NAPB: variants seen among roughly 807,000 people sequenced by gnomAD.
NAPB encodes the protein NSF attachment protein beta.
NAPB carries 26 observed loss-of-function variants against 44.7 expected under a neutral mutation model. The observed-to-expected ratio is 0.58, with a 90% CI of 0.43 to 0.81. The LOEUF (loss-of-function observed/expected upper bound fraction) is 0.81. NAPB is among the 30% of genes least tolerant of loss of function. The probability of loss-of-function intolerance (pLI) is 0.00; values close to 1 mark genes in which losing one functional copy is unlikely to be tolerated. For missense variants in NAPB, 315 were observed against 356.4 expected (o/e 0.88, Z 0.94); for synonymous variants, 120 against 116.8 (o/e 1.03, Z -0.18).
chr20:23,382,414 A>G (rs1216274913), intron 7 of NAPB, among the ~76,000 whole-genome samples: 1 of 152,220 alleles, frequency 6.6e-6, no homozygotes, highest in Non-Finnish European at 1.5e-5. Context: ...GACTTGTAAT[A>G]CCAAAAACAC....
At chr20:23,389,628 CA>C (rs1983803670) in intron 7 of NAPB, among the ~76,000 whole-genome samples, 1 of 152,144 alleles carries the variant, frequency 6.6e-6, no homozygotes, top group South Asian at 2.1e-4. Flanking sequence ...AGATGGCAGT[CA>C]CAAAAGGCCA....
intron 1 of NAPB, among the ~76,000 whole-genome samples, chr20:23,417,601 C>T (rs1986097485): frequency 6.6e-6 from 1 of 152,074 alleles, no homozygotes; most frequent in Non-Finnish European, 1.5e-5. Context: ...ATAGCTCATC[C>T]CTGGCAACAA....
At chr20:23,387,886 T>G (rs1244459818) in intron 7 of NAPB, among the ~76,000 whole-genome samples, 1 of 152,210 alleles carries the variant, frequency 6.6e-6, no homozygotes, top group Non-Finnish European at 1.5e-5. Context: ...ATTCTGAGTG[T>G]GTCTGTGGGG....
chr20:23,380,495 T>G (rs1195224546), intron 8 of NAPB, among the ~76,000 whole-genome samples: 1 of 151,618 alleles, frequency 6.6e-6, no homozygotes, highest in East Asian at 2.0e-4. Context: ...ATCCTACTCT[T>G]ATTGTCTCCT....
intron 1 of NAPB, among the ~76,000 whole-genome samples, chr20:23,407,595 C>A (rs1158262496): frequency 6.6e-6 from 1 of 152,088 alleles, no homozygotes; most frequent in East Asian, 1.9e-4. Context: ...AAGGCAGACT[C>A]TCTTCTTCTT....
At chr20:23,418,489 T>C (rs1199957509) in intron 1 of NAPB, among the ~76,000 whole-genome samples, 1 of 152,198 alleles carries the variant, frequency 6.6e-6, no homozygotes, top group African/African-American at 2.4e-5. Context: ...CTTCAGTAAT[T>C]ATACAATATT....
In NAPB at chr20:23,377,432, G is replaced by A; in HGVS notation, c.841C>T (p.Leu281Phe). The change falls in exon 11 of 11, where the codon CTT becomes TTT. Residue 281 changes from leucine (L) to phenylalanine (F), a missense_variant. By Grantham distance (22) the Leu-to-Phe change is conservative. Coordinates refer to ENST00000377026, the MANE Select transcript of NAPB (RefSeq NM_022080.3). ...CCTTGGATGGACTTTTTGATGCGAA[G>A]CAACATGGTGGTCAGCCACTGATCC... The part of the protein sequence containing the change: ...RLDQWLTTML[L>F]RIKKSIQGDG... The A allele has an allele frequency of 3.7e-6, 6 of 1,606,640 alleles. No homozygotes were observed. The highest frequency in any genetic ancestry group is 5.1e-6 in the Non-Finnish European group (6 of 1,175,074).
At chr20:23,407,280 C>G (rs1985322019) in intron 1 of NAPB, among the ~76,000 whole-genome samples, 1 of 152,152 alleles carries the variant, frequency 6.6e-6, no homozygotes, top group Non-Finnish European at 1.5e-5. Context: ...ATTTTATGGA[C>G]AAGTATTCAG....
At chr20:23,396,062 C>T (rs182775654) in intron 3 of NAPB, among the ~76,000 whole-genome samples, 14 of 152,300 alleles carry the variant, frequency 9.2e-5, no homozygotes, top group Admixed American at 8.5e-4. Context: ...CGCTCAAATC[C>T]GTTGTTAGTA....
intron 1 of NAPB, among the ~76,000 whole-genome samples, chr20:23,406,573 T>C (rs1267266093): frequency 6.6e-6 from 1 of 152,130 alleles, no homozygotes; most frequent in African/African-American, 2.4e-5. Context: ...AAATGAAGTG[T>C]CAGAATAAGC....
intron 2 of NAPB, among the ~76,000 whole-genome samples, chr20:23,398,033 TG>T (rs1054786177): frequency 2.0e-5 from 3 of 152,152 alleles, no homozygotes; most frequent in Non-Finnish European, 4.4e-5. Flanking sequence ...AAGAAAGGGC[TG>T]GAAGTGGAGG....
intron 1 of NAPB, among the ~76,000 whole-genome samples, chr20:23,408,314 G>A (rs1985402395): frequency 6.6e-6 from 1 of 152,172 alleles, no homozygotes; most frequent in Admixed American, 6.5e-5. Flanking sequence ...GATGCTCTGG[G>A]GAAGAGGAAG....
chr20:23,418,448 C>T (rs908695057), intron 1 of NAPB, among the ~76,000 whole-genome samples: 1 of 152,154 alleles, frequency 6.6e-6, no homozygotes, highest in African/African-American at 2.4e-5. Context: ...AATTGTCCTA[C>T]TGACACAGGA....
intron 2 of NAPB, among the ~76,000 whole-genome samples, chr20:23,402,064 T>C (rs924219680): frequency 2.6e-5 from 4 of 152,214 alleles, no homozygotes; most frequent in Admixed American, 6.5e-5. Context: ...TTTTGAAAAA[T>C]AGCATATCTA....
At chr20:23,404,260 A>T (rs1315138834) in intron 1 of NAPB, among the ~76,000 whole-genome samples, 1 of 152,244 alleles carries the variant, frequency 6.6e-6, no homozygotes, top group Non-Finnish European at 1.5e-5. Context: ...GACTCTGTAC[A>T]GTATACATAA....
intron 1 of NAPB, among the ~76,000 whole-genome samples, chr20:23,419,514 C>A (rs1232262438): frequency 6.6e-6 from 1 of 152,184 alleles, no homozygotes; most frequent in African/African-American, 2.4e-5. Context: ...TTTTCCTCTG[C>A]CAGTTACAGA....
intron 8 of NAPB, 110 bp downstream of exon 8, chr20:23,381,103 C>A: frequency 1.3e-6 from 1 of 742,558 alleles, no homozygotes; most frequent in Non-Finnish European, 2.4e-6. Context: ...TTTAATGTAC[C>A]CGTTTATTCT....
Position 23,390,225 on chromosome 20 carries a change from CTTTG to C in NAPB, c.456_459del (p.Tyr152Ter), listed in dbSNP as rs1983847586. On this transcript the variant is annotated frameshift_variant, in exon 6 of 11. Transcript: ENST00000377026. LOFTEE classifies it high-confidence loss of function. ...AATACTTGCCTGTTGGATTCTTCTC[CTTTG>C]TAATAATCAGCAGATTGTTCATAAT... 1 of 1,610,752 alleles carries C rather than the reference CTTTG, an allele frequency of 6.2e-7. No homozygotes were observed. Among genetic ancestry groups the C allele is most frequent in the Admixed American group, 1.7e-5 (1 of 59,998 alleles).
chr20:23,379,810 G>A (rs1207759956), intron 9 of NAPB, 57 bp downstream of exon 9: 1 of 1,306,734 alleles, frequency 7.7e-7, no homozygotes, highest in African/African-American at 1.5e-5. Context: ...ATCCCACTTA[G>A]GTGTTGTCAC....
Sources: gnomAD v4.1 joint callset for allele counts (sites outside exome capture counted in the v4.1 genomes callset) on GRCh38, gnomAD v4.1.1 for gene constraint, MANE v1.5 for transcripts, NCBI Gene and HGNC (gene_info 2026-07-23, HGNC 2026-07-21) for gene names.